GALNT17: variants seen among roughly 807,000 people sequenced by gnomAD.
The protein encoded by GALNT17 is polypeptide N-acetylgalactosaminyltransferase 17, also known as UDP-GalNAc:polypeptide N-acetylgalactosaminyltransferase-like 3.
In GALNT17, 29 loss-of-function variants were observed where a neutral mutation model predicts 63.7. The ratio of observed to expected loss-of-function variants is 0.46; its 90% CI spans 0.34 to 0.62. The LOEUF (loss-of-function observed/expected upper bound fraction) is 0.62. GALNT17 is among the 20% of genes least tolerant of loss of function. The pLI, the probability that GALNT17 is intolerant of heterozygous loss-of-function variation, is 0.01. For synonymous variants in GALNT17, 305 were observed against 318.3 expected, an observed-to-expected ratio of 0.96 and a Z score of 0.45; for missense variants, 603 against 799.6, an observed-to-expected ratio of 0.75 and a Z score of 2.97.
chr7:71,644,611 C>T (rs1790650328), intron 6 of GALNT17, among the ~76,000 whole-genome samples: 1 of 150,014 alleles, frequency 6.7e-6, no homozygotes, highest in Non-Finnish European at 1.5e-5. Flanking sequence ...ATCAGCCAGG[C>T]ATGGTGGTGC....
chr7:71,223,785 C>T (rs1432104769), intron 1 of GALNT17, among the ~76,000 whole-genome samples: 2 of 152,084 alleles, frequency 1.3e-5, no homozygotes, highest in African/African-American at 4.8e-5. Flanking sequence ...ATCATTTAAC[C>T]TCCCACTTAT....
intron 5 of GALNT17, among the ~76,000 whole-genome samples, chr7:71,445,622 A>G (rs1237988090): frequency 6.6e-6 from 1 of 152,168 alleles, no homozygotes; most frequent in Non-Finnish European, 1.5e-5. Context: ...TTGGGAAGAA[A>G]CAGGCTGCAA....
chr7:71,477,901 G>A (rs1277129072), intron 5 of GALNT17, among the ~76,000 whole-genome samples: 2 of 152,088 alleles, frequency 1.3e-5, no homozygotes, highest in Non-Finnish European at 2.9e-5. Context: ...CATGCGACAT[G>A]AGCTGGTTTA....
At chr7:71,445,988 C>T (rs978166971) in intron 5 of GALNT17, among the ~76,000 whole-genome samples, 2 of 152,182 alleles carry the variant, frequency 1.3e-5, no homozygotes, top group Non-Finnish European at 2.9e-5. Flanking sequence ...ATCTTGTAGT[C>T]GTTTCTGAGA....
chr7:71,199,468 C>G (rs1044692109), intron 1 of GALNT17, among the ~76,000 whole-genome samples: 1 of 152,088 alleles, frequency 6.6e-6, no homozygotes, highest in African/African-American at 2.4e-5. Context: ...TACCCTTACC[C>G]TCTCTGTCCC....
intron 5 of GALNT17, among the ~76,000 whole-genome samples, chr7:71,424,984 A>C (rs1053017215): frequency 1.3e-5 from 2 of 152,052 alleles, no homozygotes; most frequent in African/African-American, 4.8e-5. Flanking sequence ...GTTTCTTTCT[A>C]TATATTAATA....
intron 1 of GALNT17, among the ~76,000 whole-genome samples, chr7:71,253,422 C>T (rs530362793): frequency 1.1e-4 from 16 of 152,136 alleles, no homozygotes; most frequent in East Asian, 9.7e-4. Context: ...TGATCTCCCA[C>T]GGGATCCCTC....
intron 9 of GALNT17, among the ~76,000 whole-genome samples, chr7:71,694,909 G>A (rs889569068): frequency 5.9e-5 from 9 of 152,338 alleles, no homozygotes; most frequent in East Asian, 5.8e-4. Context: ...TGGTTGAGCC[G>A]TGGTACAGAA....
At chr7:71,539,707 CTTTTT>C (rs71089953) in intron 5 of GALNT17, among the ~76,000 whole-genome samples, 17 of 71,442 alleles carry the variant, frequency 2.4e-4, no homozygotes, top group African/African-American at 8.6e-4. Context: ...TTAGTCCCAC[CTTTTT>C]TTTTTTTTTT....
At chr7:71,386,604 C>T (rs1397511100) in intron 2 of GALNT17, among the ~76,000 whole-genome samples, 1 of 152,158 alleles carries the variant, frequency 6.6e-6, no homozygotes, top group Non-Finnish European at 1.5e-5. Flanking sequence ...TCTCTTACAT[C>T]ACCTGGAGCC....
At chr7:71,180,085 C>T (rs958373294) in intron 1 of GALNT17, among the ~76,000 whole-genome samples, 1 of 151,998 alleles carries the variant, frequency 6.6e-6, no homozygotes, top group Non-Finnish European at 1.5e-5. Context: ...ATGTTTACAC[C>T]TTGAAGCCTT....
intron 3 of GALNT17, among the ~76,000 whole-genome samples, chr7:71,392,533 G>A (rs1004808421): frequency 6.6e-6 from 1 of 152,142 alleles, no homozygotes; most frequent in African/African-American, 2.4e-5. Flanking sequence ...GCTCCTATTT[G>A]ATGCTTACGT....
At chr7:71,610,063 C>A (rs1447578879) in intron 6 of GALNT17, among the ~76,000 whole-genome samples, 1 of 152,032 alleles carries the variant, frequency 6.6e-6, no homozygotes, top group Non-Finnish European at 1.5e-5. Context: ...TACTAAGCTG[C>A]AAAATTTTCA....
intron 1 of GALNT17, among the ~76,000 whole-genome samples, chr7:71,275,377 G>A (rs1342747880): frequency 6.6e-6 from 1 of 152,084 alleles, no homozygotes; most frequent in Admixed American, 6.5e-5. Flanking sequence ...ACCAGCCTGG[G>A]AAACATAGTG....
chr7:71,447,240 A>G (rs548326900), intron 5 of GALNT17, among the ~76,000 whole-genome samples: 30 of 152,316 alleles, frequency 2.0e-4, no homozygotes, highest in African/African-American at 7.2e-4. Context: ...TTTTTGTCCA[A>G]CATGGCTACA....
chr7:71,291,590 G>A (rs533194230), intron 1 of GALNT17, among the ~76,000 whole-genome samples: 1 of 152,154 alleles, frequency 6.6e-6, no homozygotes, highest in Admixed American at 6.5e-5. Context: ...ATTTGTTAAC[G>A]TTTTCACTGG....
intron 5 of GALNT17, among the ~76,000 whole-genome samples, chr7:71,470,346 G>A (rs1787607414): frequency 6.6e-6 from 1 of 152,142 alleles, no homozygotes; most frequent in Non-Finnish European, 1.5e-5. Context: ...TTTGGTTGGT[G>A]GGTTGGTTCC....
chr7:71,555,910 C>A (rs1036743784), intron 5 of GALNT17, among the ~76,000 whole-genome samples: 1 of 152,208 alleles, frequency 6.6e-6, no homozygotes, highest in African/African-American at 2.4e-5. Flanking sequence ...GGCTTAGGGA[C>A]TATTGCTTCA....
chr7:71,661,365 G>A (rs776182982), intron 6 of GALNT17, among the ~76,000 whole-genome samples: 4 of 152,144 alleles, frequency 2.6e-5, no homozygotes, highest in Admixed American at 6.5e-5. Flanking sequence ...TGGTTTTGGT[G>A]CTTTCTGTCA....
Sources: gnomAD v4.1 joint callset for allele counts (sites outside exome capture counted in the v4.1 genomes callset) on GRCh38, gnomAD v4.1.1 for gene constraint, MANE v1.5 for transcripts, NCBI Gene and HGNC (gene_info 2026-07-23, HGNC 2026-07-21) for gene names.